SMAD1: variants seen among roughly 807,000 people sequenced by gnomAD.
The protein encoded by SMAD1 is MAD, mothers against decapentaplegic homolog 1.
SMAD1 carries 6 observed loss-of-function variants against 41.6 expected under a neutral mutation model. The observed-to-expected ratio is 0.14, with a 90% CI of 0.08 to 0.28. SMAD1 has a LOEUF of 0.28. Among genes scored for constraint, SMAD1 ranks in the 10% least tolerant of loss-of-function variants. The pLI, the probability that SMAD1 is intolerant of heterozygous loss-of-function variation, is 1.00. For synonymous variants in SMAD1, 206 were observed against 203.2 expected, an observed-to-expected ratio of 1.01 and a Z score of -0.12; for missense variants, 379 against 582.6, an observed-to-expected ratio of 0.65 and a Z score of 3.60.
intron 1 of SMAD1, chr4:145,498,188 A>G (rs961204652): frequency 6.6e-6 from 1 of 152,250 alleles, no homozygotes; most frequent in African/African-American, 2.4e-5. Context: ...ACAGTTAATA[A>G]AAAGGGGAGT....
At position 145,519,001 on chromosome 4, in the gene SMAD1, T is replaced by G. The variant is rs1168077565; in HGVS notation, c.400+3988T>G. Among the ~76,000 whole-genome samples the G allele has an allele frequency of 3.2e-5, 4 of 124,702 alleles. 2 individuals are homozygous for G. Among genetic ancestry groups the G allele is most frequent in the East Asian group, 4.0e-4 (2 of 5,024 alleles). The allele number at this position is 124,702 out of a possible 152,430, so 81.8% of individuals were successfully genotyped here. ...TAATTAACATATCTGTCACCTCCCA[T>G]GTGTATTTGCTTATTTCTTTCTTTT... On this transcript the variant is annotated intron_variant, in intron 2 of 6. Coordinates refer to ENST00000302085, the MANE Select transcript of SMAD1 (RefSeq NM_005900.3).
chr4:145,514,673 G>A lies in SMAD1; in HGVS notation c.60G>A (p.Trp20Ter). The A allele has an allele frequency of 6.2e-7, 1 of 1,613,842 alleles. No homozygotes were observed. Among genetic ancestry groups the A allele is most frequent in the Non-Finnish European group, 8.5e-7 (1 of 1,179,958 alleles). Residue 20 changes from tryptophan (W) to a stop codon, truncating the protein, a stop_gained, in exon 2 of 7, where the codon TGG becomes TGA. Coordinates refer to ENST00000302085, the MANE Select transcript of SMAD1 (RefSeq NM_005900.3). LOFTEE classifies it high-confidence loss of function. The surrounding 1 kb of genome is among the most constrained non-coding windows in gnomAD (Gnocchi z 4.7). ...TSPAVKRLLG[W>*]KQGDEEEKWA... ...CAGCTGTGAAGAGACTTCTTGGGTGGAAACAGGGCGATGAAGAAGAAAAAT... is the reference window on the plus strand; with the variant it reads ...CAGCTGTGAAGAGACTTCTTGGGTGAAAACAGGGCGATGAAGAAGAAAAAT...
chr4:145,530,348 A>G (rs1731256929), intron 2 of SMAD1, among the ~76,000 whole-genome samples: 1 of 152,202 alleles, frequency 6.6e-6, no homozygotes, highest in African/African-American at 2.4e-5. Flanking sequence ...AAACTAGCAG[A>G]TGAAAACTGC....
chr4:145,499,018 C>A (rs1305430108), intron 1 of SMAD1, among the ~76,000 whole-genome samples: 2 of 152,164 alleles, frequency 1.3e-5, no homozygotes, highest in Non-Finnish European at 2.9e-5. Context: ...TCAGACCATT[C>A]TTCTACCATC....
Position 145,494,252 on chromosome 4 carries a change from G to A in SMAD1, c.-177+12214G>A, listed in dbSNP as rs139521620. Among the ~76,000 whole-genome samples, 707 of 152,298 alleles carry A rather than the reference G, an allele frequency of 4.6e-3. 1 individual carries two copies. The highest frequency in any genetic ancestry group is 0.016 in the African/African-American group (677 of 41,558). On this transcript the variant is annotated intron_variant, in intron 1 of 6. Transcript: ENST00000302085. Reference sequence around the variant, plus strand: ...TGGGATTACAGGCGTGAGCCACCGCGCCCGGCCCCAGTTCATTCTTTCAGC... The same window carrying A: ...TGGGATTACAGGCGTGAGCCACCGCACCCGGCCCCAGTTCATTCTTTCAGC...
chr4:145,492,657 C>G (rs1445566739), intron 1 of SMAD1, among the ~76,000 whole-genome samples: 1 of 152,196 alleles, frequency 6.6e-6, no homozygotes, highest in Non-Finnish European at 1.5e-5. Context: ...ACCTTCAGCC[C>G]CTTGCCCCCT....
At chr4:145,554,569 A>C (rs1732735410) in intron 6 of SMAD1, among the ~76,000 whole-genome samples, 1 of 152,178 alleles carries the variant, frequency 6.6e-6, no homozygotes, top group Non-Finnish European at 1.5e-5. Flanking sequence ...TACAATTCAG[A>C]AGTTAATAAG....
At chr4:145,543,416 C>T (rs1732063190) in intron 4 of SMAD1, among the ~76,000 whole-genome samples, 1 of 152,174 alleles carries the variant, frequency 6.6e-6, no homozygotes, top group Non-Finnish European at 1.5e-5. Flanking sequence ...GATAGATACA[C>T]ATAAACCCCG....
chr4:145,494,825 A>C (rs1423858210), intron 1 of SMAD1, among the ~76,000 whole-genome samples: 1 of 152,150 alleles, frequency 6.6e-6, no homozygotes, highest in African/African-American at 2.4e-5. Context: ...GCACTGTGTG[A>C]TGTCAGTTGT....
At chr4:145,553,711 G>A in intron 5 of SMAD1, 73 bp from the exon 6 acceptor site, 2 of 1,346,884 alleles carry the variant, frequency 1.5e-6, no homozygotes, top group South Asian at 2.5e-5. Flanking sequence ...AAGTTTCTGT[G>A]TTGAAGCTGC....
chr4:145,494,338 C>G (rs1728943579), intron 1 of SMAD1, among the ~76,000 whole-genome samples: 1 of 152,188 alleles, frequency 6.6e-6, no homozygotes, highest in Non-Finnish European at 1.5e-5. Flanking sequence ...TCTTAGACAG[C>G]TTGATAAAGT....
rs377610507 is a variant in SMAD1 at position 145,515,134 on chromosome 4, CTGTG to C, written c.400+161_400+164del. ...TGTAATTTAAAAATATTTGGGGAAA[CTGTG>C]TGTGTGTGTGTGTGTGTGTGTGTGT... On this transcript the variant is annotated intron_variant, in intron 2 of 6. Transcript: ENST00000302085. 20,060 of 530,916 alleles carry C rather than the reference CTGTG, an allele frequency of 0.038. 69 individuals carry two copies. Among genetic ancestry groups the C allele is most frequent in the East Asian group, 0.09 (2,555 of 28,450 alleles). The allele number at this position is 530,916 out of a possible 1,614,324, so 32.9% of individuals were successfully genotyped here.
intron 2 of SMAD1, among the ~76,000 whole-genome samples, chr4:145,516,252 A>G (rs923091881): frequency 4.6e-5 from 7 of 152,178 alleles, no homozygotes; most frequent in African/African-American, 1.4e-4. Context: ...AATATTTTAT[A>G]TATTTAAAAA....
intron 2 of SMAD1, among the ~76,000 whole-genome samples, chr4:145,539,099 T>C (rs1731780056): frequency 6.6e-6 from 1 of 152,234 alleles, no homozygotes; most frequent in Non-Finnish European, 1.5e-5. Flanking sequence ...ATGTGAATTG[T>C]ATGAACTAAT....
chr4:145,541,113 C>T (rs1390424725), intron 3 of SMAD1, among the ~76,000 whole-genome samples: 1 of 152,106 alleles, frequency 6.6e-6, no homozygotes, highest in Non-Finnish European at 1.5e-5. Flanking sequence ...TCTCTCCCTT[C>T]CTCCTCACCA....
intron 1 of SMAD1, chr4:145,503,045 C>T (rs1029103066): frequency 6.6e-6 from 1 of 152,208 alleles, no homozygotes; most frequent in African/African-American, 2.4e-5. Context: ...ATTTCACGAA[C>T]TGAACCTCTC....
At chr4:145,540,114 C>T (rs1041241628) in intron 3 of SMAD1, 53 bp downstream of exon 3, 69 of 1,598,204 alleles carry the variant, frequency 4.3e-5, no homozygotes, top group Non-Finnish European at 5.6e-5. Context: ...AGTGTTATCA[C>T]AGTGTCACGG....
intron 1 of SMAD1, chr4:145,483,189 A>G (rs1409017154): frequency 6.6e-6 from 1 of 152,146 alleles, no homozygotes; most frequent in East Asian, 1.9e-4. Flanking sequence ...GAGTGCTGAG[A>G]CAACTGTCCT....
chr4:145,528,334 A>G (rs751967757), intron 2 of SMAD1, among the ~76,000 whole-genome samples: 12 of 151,888 alleles, frequency 7.9e-5, no homozygotes, highest in Non-Finnish European at 1.5e-4. Flanking sequence ...CGAACTCCTA[A>G]TCTTGTGATT....
Sources: allele counts gnomAD v4.1 joint callset (sites outside exome capture counted in the v4.1 genomes callset), GRCh38; gene constraint gnomAD v4.1.1; non-coding constraint Gnocchi (gnomAD v3.1); transcripts MANE v1.5; gene names NCBI Gene and HGNC (gene_info 2026-07-23, HGNC 2026-07-21).